PGAP4: variants seen among roughly 807,000 people sequenced by gnomAD.
The protein encoded by PGAP4 is GPI-N-acetylgalactosamine transferase PGAP4.
In PGAP4, 12 loss-of-function variants were observed where a neutral mutation model predicts 28.2. That is an observed-to-expected ratio of 0.42 (90% CI 0.27 to 0.69). The LOEUF is 0.69. PGAP4 is among the 30% of genes least tolerant of loss of function. PGAP4 has a pLI of 0.22. For missense variants in PGAP4, 425 were observed against 513.5 expected (o/e 0.83, Z 1.67); for synonymous variants, 205 against 211.8 (o/e 0.97, Z 0.28).
At chr9:101,512,642 T>C (rs575272949) in intron 2 of PGAP4, among the ~76,000 whole-genome samples, 1 of 152,274 alleles carries the variant, frequency 6.6e-6, no homozygotes, top group Admixed American at 6.5e-5. Context: ...CATGATATGC[T>C]TTTATCAAAT....
At chr9:101,494,537 T>C (rs1489993731) in intron 2 of PGAP4, among the ~76,000 whole-genome samples, 1 of 151,854 alleles carries the variant, frequency 6.6e-6, no homozygotes, top group Non-Finnish European at 1.5e-5. Context: ...TGAAATTAAA[T>C]TTTTGTTTTG....
chr9:101,502,809 C>T (rs1232731103), intron 2 of PGAP4, among the ~76,000 whole-genome samples: 1 of 152,046 alleles, frequency 6.6e-6, no homozygotes, highest in Non-Finnish European at 1.5e-5. Flanking sequence ...CAGAAAAGAA[C>T]ATCTATAAGA....
intron 1 of PGAP4, among the ~76,000 whole-genome samples, chr9:101,483,620 A>C (rs1313080398): frequency 6.6e-6 from 1 of 152,076 alleles, no homozygotes; most frequent in Non-Finnish European, 1.5e-5. Context: ...AATATATAAT[A>C]TACATAGCAA....
At chr9:101,477,252 A>C in intron 1 of PGAP4, 83 bp from the exon 2 acceptor site, 2 of 1,015,420 alleles carry the variant, frequency 2.0e-6, no homozygotes, top group Non-Finnish European at 2.7e-6. Flanking sequence ...AAGGACAAGA[A>C]CTGAGCTCAG....
At chr9:101,530,917 G>T (rs1827083427) in intron 2 of PGAP4, among the ~76,000 whole-genome samples, 1 of 151,912 alleles carries the variant, frequency 6.6e-6, no homozygotes, top group Admixed American at 6.6e-5. Context: ...TTGTTTTTTT[G>T]GATGAGATTA....
chr9:101,490,588 T>C (rs1302676123), upstream of PGAP4, among the ~76,000 whole-genome samples: 2 of 152,256 alleles, frequency 1.3e-5, no homozygotes, highest in African/African-American at 2.4e-5. Context: ...ATGTGTGTAC[T>C]CACATGGACT....
Position 101,476,401 on chromosome 9 carries a change from C to T in PGAP4, c.692G>A (p.Arg231His), listed in dbSNP as rs777907687. The change falls in exon 2 of 2, where the codon CGC becomes CAC. Residue 231 changes from arginine to histidine, a missense_variant. By Grantham distance (29) the Arg-to-His change is conservative (BLOSUM62 0). Coordinates refer to ENST00000374848, the MANE Select transcript of PGAP4 (RefSeq NM_032342.3). This position sits in a 1 kb window ranked among gnomAD's most constrained non-coding sequence, Gnocchi z 7.0. ...ATCTCTGAGATGTGGCTCAGAGAAG[C>T]GAGCCCGCAGAAGGTGCTCCAAGAC... ...FPVLEHLLRARFSEPHLRDAL... is the reference protein window; with the variant it reads ...FPVLEHLLRAHFSEPHLRDAL... The T allele has an allele frequency of 6.8e-6, 11 of 1,613,908 alleles. No individual in the cohort carries two copies. The highest frequency in any genetic ancestry group is 1.7e-5 in the Admixed American group (1 of 59,984).
chr9:101,485,062 C>G (rs1327731819), intron 1 of PGAP4, among the ~76,000 whole-genome samples: 7 of 151,998 alleles, frequency 4.6e-5, no homozygotes, highest in Admixed American at 4.6e-4. Flanking sequence ...CTGTTAAGTC[C>G]ATTTTTAAAT....
intron 2 of PGAP4, chr9:101,501,690 C>T: frequency 1.9e-6 from 1 of 518,424 alleles, no homozygotes; most frequent in Non-Finnish European, 3.9e-6. Context: ...TCCACATTCA[C>T]TGAGTAGAAC....
At chr9:101,518,676 A>T (rs1588209925) in intron 2 of PGAP4, among the ~76,000 whole-genome samples, 1 of 152,182 alleles carries the variant, frequency 6.6e-6, no homozygotes, top group Non-Finnish European at 1.5e-5. Flanking sequence ...ATAGTATTCC[A>T]TTGTATATAC....
At chr9:101,513,327 C>T (rs1024674964) in intron 2 of PGAP4, among the ~76,000 whole-genome samples, 1 of 152,080 alleles carries the variant, frequency 6.6e-6, no homozygotes, top group Non-Finnish European at 1.5e-5. Context: ...ATTCTTCCAA[C>T]CTTACAAAAG....
At chr9:101,490,621 AGATATAGTCCTCCT>A (rs1826678421), upstream of PGAP4, among the ~76,000 whole-genome samples, 1 of 152,236 alleles carries the variant, frequency 6.6e-6, no homozygotes, top group Non-Finnish European at 1.5e-5. Context: ...TCTAGGTTCT[AGATATAGTCCTCCT>A]TGATTTGATT....
Position 101,476,919 on chromosome 9 carries a change from C to A in PGAP4, c.174G>T (p.Leu58=). 1 of 1,614,086 alleles carries A rather than the reference C, an allele frequency of 6.2e-7. No homozygotes were observed. Among genetic ancestry groups the A allele is most frequent in the Non-Finnish European group, 8.5e-7 (1 of 1,179,970 alleles). The part of the protein sequence containing the change: ...HSYFYLRHWH[L]NQMSQEFLQQ... ...GCAGGAACTCTTGGCTCATTTGGTT[C>A]AGATGCCAATGGCGCAGATAGAAGT... The change falls in exon 2 of 2, where the codon CTG becomes CTT. Residue 58 remains leucine (L), a synonymous_variant. Coordinates refer to ENST00000374848, the MANE Select transcript of PGAP4 (RefSeq NM_032342.3). The surrounding 1 kb of genome is among the most constrained non-coding windows in gnomAD (Gnocchi z 7.0).
chr9:101,508,724 T>C (rs2118604849), intron 2 of PGAP4, among the ~76,000 whole-genome samples: 1 of 152,300 alleles, frequency 6.6e-6, no homozygotes, highest in African/African-American at 2.4e-5. Flanking sequence ...ATTTCTATTA[T>C]TATTACATTG....
upstream of PGAP4, chr9:101,489,043 G>A (rs991956282): frequency 6.6e-6 from 1 of 152,080 alleles, no homozygotes; most frequent in Non-Finnish European, 1.5e-5. Flanking sequence ...GGCTGTTACT[G>A]TCCTGAGTGC....
At chr9:101,496,120 A>G (rs1224625823) in intron 2 of PGAP4, among the ~76,000 whole-genome samples, 1 of 151,578 alleles carries the variant, frequency 6.6e-6, no homozygotes, top group East Asian at 1.9e-4. Context: ...AGAAAAGCCA[A>G]GACTAAAGAA....
At chr9:101,477,268 A>G in intron 1 of PGAP4, 99 bp from the exon 2 acceptor site, 1 of 838,146 alleles carries the variant, frequency 1.2e-6, no homozygotes, top group South Asian at 3.2e-5. Context: ...CTCAGCACAT[A>G]TCAAACCAGA....
intron 2 of PGAP4, among the ~76,000 whole-genome samples, chr9:101,505,354 A>C (rs1439195566): frequency 1.3e-5 from 2 of 152,104 alleles, no homozygotes; most frequent in Non-Finnish European, 2.9e-5. Context: ...TGCATATTTT[A>C]ATTGACAGAT....
upstream of PGAP4, among the ~76,000 whole-genome samples, chr9:101,488,537 A>C (rs1314713410): frequency 6.6e-6 from 1 of 152,172 alleles, no homozygotes; most frequent in Non-Finnish European, 1.5e-5. Context: ...GGTTTACATG[A>C]GATAATGTAT....
Sources: allele counts gnomAD v4.1 joint callset (sites outside exome capture counted in the v4.1 genomes callset), GRCh38; gene constraint gnomAD v4.1.1; non-coding constraint Gnocchi (gnomAD v3.1); transcripts MANE v1.5; gene names NCBI Gene and HGNC (gene_info 2026-07-23, HGNC 2026-07-21).